Variants in ARHGEF26 observed in about 807,000 individuals in gnomAD.
The protein encoded by ARHGEF26 is Rho guanine nucleotide exchange factor 26, also known as Rho guanine nucleotide exchange factor (GEF) 26.
ARHGEF26 carries 59 observed loss-of-function variants against 89.4 expected under a neutral mutation model. That is an observed-to-expected ratio of 0.66 (90% CI 0.54 to 0.82). The LOEUF (loss-of-function observed/expected upper bound fraction) is 0.82. Ranked by LOEUF, ARHGEF26 falls within the 40% of genes least tolerant of loss-of-function variation. ARHGEF26 has a pLI of 0.00. For missense variants in ARHGEF26, 1,234 were observed against 1,085.6 expected, an observed-to-expected ratio of 1.14 and a Z score of -1.92; for synonymous variants, 500 against 428.4, an observed-to-expected ratio of 1.17 and a Z score of -2.06.
Position 154,240,530 on chromosome 3 carries a change from A to G in ARHGEF26, c.2251A>G (p.Ser751Gly). The change falls in exon 12 of 15, where the codon AGT (serine) becomes GGT (glycine). Residue 751 changes from serine (S) to glycine (G), a missense_variant. By Grantham distance (56) the Ser-to-Gly change is moderately conservative. Coordinates refer to ENST00000465093, the MANE Select transcript of ARHGEF26 (RefSeq NM_015595.4). ...ASHLFTLTVL[S>G]NHANEKVEML... ...TCACCTCTTTACTCTGACAGTCCTT[A>G]GTAACCACGCGAATGAGAAAGTGGA... The G allele has an allele frequency of 5.0e-6, 8 of 1,613,150 alleles. No homozygotes were observed. Among genetic ancestry groups the G allele is most frequent in the Non-Finnish European group, 6.8e-6 (8 of 1,179,494 alleles).
intron 9 of ARHGEF26, among the ~76,000 whole-genome samples, chr3:154,203,422 C>A (rs1416900720): frequency 6.6e-6 from 1 of 152,018 alleles, no homozygotes; most frequent in African/African-American, 2.4e-5. Context: ...GAGATCTTAT[C>A]ATCTGCAAAC....
rs1192682605 is a variant in ARHGEF26 at position 154,216,114 on chromosome 3, T to C, written c.1846-1755T>C. ...TTTTATGGCCTATTTTATTTACTTCTATATTATAGTATTTATTTTTATAGT... is the reference window on the plus strand; with the variant it reads ...TTTTATGGCCTATTTTATTTACTTCCATATTATAGTATTTATTTTTATAGT... On this transcript the variant is annotated intron_variant, in intron 9 of 14. Transcript: ENST00000465093. Among the ~76,000 whole-genome samples, 7 of 152,262 alleles carry C rather than the reference T, an allele frequency of 4.6e-5. No homozygotes were observed. The East Asian group carries it at 5.8e-4, about 13-fold the overall frequency.
intron 9 of ARHGEF26, among the ~76,000 whole-genome samples, chr3:154,205,934 G>A (rs1314000274): frequency 1.3e-5 from 2 of 152,056 alleles, no homozygotes; most frequent in Admixed American, 6.6e-5. Flanking sequence ...CATAGTTACA[G>A]TGTTATAATA....
At chr3:154,128,166 T>C (rs574334196) in intron 3 of ARHGEF26, among the ~76,000 whole-genome samples, 1 of 152,348 alleles carries the variant, frequency 6.6e-6, no homozygotes, top group African/African-American at 2.4e-5. Context: ...TGCCATCACA[T>C]TTTGAGTAAA....
At chr3:154,175,185 C>T (rs943448800) in intron 6 of ARHGEF26, among the ~76,000 whole-genome samples, 7 of 152,070 alleles carry the variant, frequency 4.6e-5, no homozygotes, top group African/African-American at 1.7e-4. Context: ...GTTCTATAAA[C>T]CGTAATGGTT....
intron 9 of ARHGEF26, among the ~76,000 whole-genome samples, chr3:154,207,401 A>G (rs1013351777): frequency 7.2e-5 from 11 of 152,204 alleles, no homozygotes; most frequent in African/African-American, 2.2e-4. Flanking sequence ...ACTTAAATTT[A>G]CAAGAAAAAA....
chr3:154,252,296 G>C (rs915498417), intron 12 of ARHGEF26, among the ~76,000 whole-genome samples: 8 of 152,166 alleles, frequency 5.3e-5, no homozygotes, highest in African/African-American at 1.9e-4. Flanking sequence ...ACATGGAATA[G>C]TGGATGTTGA....
intron 6 of ARHGEF26, among the ~76,000 whole-genome samples, chr3:154,162,114 A>G (rs1711702278): frequency 6.6e-6 from 1 of 152,192 alleles, no homozygotes; most frequent in African/African-American, 2.4e-5. Context: ...AAAAGAAACA[A>G]TGACTGGGGT....
intron 4 of ARHGEF26, among the ~76,000 whole-genome samples, chr3:154,134,994 G>A (rs1718915973): frequency 6.6e-6 from 1 of 152,022 alleles, no homozygotes; most frequent in Non-Finnish European, 1.5e-5. Flanking sequence ...ATTTTGTTGA[G>A]GATTTTTGCA....
intron 12 of ARHGEF26, among the ~76,000 whole-genome samples, chr3:154,252,716 G>A (rs1333154043): frequency 1.3e-5 from 2 of 152,196 alleles, no homozygotes; most frequent in African/African-American, 4.8e-5. Context: ...GGGAAGGGAA[G>A]TGGGGAGGAA....
At chr3:154,222,437 C>T (rs1716192449) in intron 10 of ARHGEF26, among the ~76,000 whole-genome samples, 1 of 152,188 alleles carries the variant, frequency 6.6e-6, no homozygotes, top group Non-Finnish European at 1.5e-5. Flanking sequence ...AGTAGAAGCT[C>T]CACCACTTAC....
chr3:154,180,436 A>G (rs912018762), intron 6 of ARHGEF26, among the ~76,000 whole-genome samples: 1 of 151,426 alleles, frequency 6.6e-6, no homozygotes, highest in Non-Finnish European at 1.5e-5. Flanking sequence ...TGATTACGCT[A>G]AGGCCAAGGA....
At chr3:154,239,776 A>G (rs1399964831) in intron 11 of ARHGEF26, among the ~76,000 whole-genome samples, 1 of 152,148 alleles carries the variant, frequency 6.6e-6, no homozygotes, top group African/African-American at 2.4e-5. Flanking sequence ...TGCAGGAGAA[A>G]GAAGGATATT....
Position 154,239,742 on chromosome 3 carries a change from T to A in ARHGEF26, c.2091-628T>A, listed in dbSNP as rs149770968. ...AAAAAGTGGGGCCAGATTGGGCATG[T>A]TCACAGTGCGATGGGAATGGGAGTG... is the stretch of plus-strand genomic sequence containing the variant. On this transcript the variant is annotated intron_variant, in intron 11 of 14. Transcript: ENST00000465093. 4.5e-4 allele frequency among the ~76,000 whole-genome samples: 68 copies of A among 152,198 alleles called. 7 individuals are homozygous for A. In the East Asian group the frequency reaches 5.0e-3, roughly 11 times the overall value.
rs1035582794 is a variant in ARHGEF26, at chr3:154,256,022, T to C, written c.*549T>C. ...GTGAGCTGTTGTTTTTCTAAACCTC[T>C]TCCCAGGAAGGGGACATTGACACTT... On this transcript the variant is annotated 3_prime_UTR_variant, in exon 15 of 15. Coordinates refer to ENST00000465093, the MANE Select transcript of ARHGEF26 (RefSeq NM_015595.4). 5 of 985,728 alleles carry C rather than the reference T, an allele frequency of 5.1e-6. No homozygotes were observed. Among genetic ancestry groups the C allele is most frequent in the African/African-American group, 3.5e-5 (2 of 57,234 alleles). The allele number at this position is 985,728 out of a possible 1,614,324, so 61.1% of individuals were successfully genotyped here.
chr3:154,151,224 G>C (rs780555366), intron 5 of ARHGEF26, among the ~76,000 whole-genome samples: 2 of 152,162 alleles, frequency 1.3e-5, no homozygotes, highest in Non-Finnish European at 2.9e-5. Flanking sequence ...AAATGCATGA[G>C]ACATTATAAC....
intron 12 of ARHGEF26, among the ~76,000 whole-genome samples, chr3:154,251,988 A>C (rs1341834372): frequency 6.6e-6 from 1 of 152,192 alleles, no homozygotes; most frequent in African/African-American, 2.4e-5. Flanking sequence ...TTATCTACGC[A>C]AAAACAGGGA....
chr3:154,227,397 G>A (rs1452295463), intron 11 of ARHGEF26, among the ~76,000 whole-genome samples: 6 of 150,134 alleles, frequency 4.0e-5, no homozygotes, highest in Admixed American at 2.0e-4. Flanking sequence ...CCGGGTTCAC[G>A]CCATTCTCCT....
At chr3:154,144,663 A>G (rs987093059) in intron 4 of ARHGEF26, among the ~76,000 whole-genome samples, 5 of 152,176 alleles carry the variant, frequency 3.3e-5, no homozygotes, top group African/African-American at 1.2e-4. Context: ...CTGTCTGTAG[A>G]TGGTGATGCA....
Sources: allele counts gnomAD v4.1 joint callset (sites outside exome capture counted in the v4.1 genomes callset), GRCh38; gene constraint gnomAD v4.1.1; transcripts MANE v1.5; gene names NCBI Gene and HGNC (gene_info 2026-07-23, HGNC 2026-07-21).